Variants in RELN observed in about 807,000 individuals in gnomAD.
The protein encoded by RELN is reelin.
Under a neutral mutation model 427.6 loss-of-function variants are expected in RELN, and 108 were observed. That is an observed-to-expected ratio of 0.25 (90% confidence interval 0.22 to 0.30). RELN has a LOEUF of 0.30. Ranked by LOEUF, RELN falls within the 10% of genes least tolerant of loss-of-function variation. The pLI, the probability that RELN is intolerant of heterozygous loss-of-function variation, is 1.00. For synonymous variants in RELN, 1,524 were observed against 1,513.4 expected (o/e 1.01, Z -0.16); for missense variants, 3,715 against 4,302.8 (o/e 0.86, Z 3.82).
chr7:103,566,968 T>C (rs199600148), intron 31 of RELN, among the ~76,000 whole-genome samples: 1 of 82,312 alleles, frequency 1.2e-5, no homozygotes, highest in East Asian at 3.4e-4. Flanking sequence ...GGAAATGAAA[T>C]ACATAAGCTC....
chr7:103,598,882 C>T (rs768643185), intron 24 of RELN, among the ~76,000 whole-genome samples: 5 of 152,140 alleles, frequency 3.3e-5, no homozygotes, highest in South Asian at 4.1e-4. Flanking sequence ...TTTTCTGTTA[C>T]GCTGTGATCA....
intron 2 of RELN, among the ~76,000 whole-genome samples, chr7:103,873,127 G>A (rs1029882519): frequency 1.3e-5 from 2 of 150,942 alleles, no homozygotes; most frequent in African/African-American, 4.9e-5. Flanking sequence ...ATGAAATGAA[G>A]GCAGAAATAA....
chr7:103,934,501 C>T (rs1224371412), intron 1 of RELN, among the ~76,000 whole-genome samples: 2 of 152,188 alleles, frequency 1.3e-5, no homozygotes, highest in Non-Finnish European at 2.9e-5. Context: ...CCAAATTTAG[C>T]TTCCAAAGAT....
At chr7:103,895,470 A>C (rs977846410) in intron 2 of RELN, among the ~76,000 whole-genome samples, 2 of 152,092 alleles carry the variant, frequency 1.3e-5, no homozygotes, top group African/African-American at 4.8e-5. Context: ...CCGGAAGCCC[A>C]TTTGGCTTAT....
At chr7:103,871,879 C>T (rs892934522) in intron 2 of RELN, among the ~76,000 whole-genome samples, 1 of 151,764 alleles carries the variant, frequency 6.6e-6, no homozygotes, top group East Asian at 1.9e-4. Flanking sequence ...TGGAGACCTA[C>T]CAGAGATTTT....
intron 3 of RELN, among the ~76,000 whole-genome samples, chr7:103,812,228 A>G (rs1792760837): frequency 1.3e-5 from 2 of 151,914 alleles, no homozygotes; most frequent in Non-Finnish European, 2.9e-5. Context: ...TCTAGTCAGC[A>G]CTCCCCTAAG....
chr7:103,729,426 A>G (rs1042343065), intron 6 of RELN, among the ~76,000 whole-genome samples: 1 of 152,202 alleles, frequency 6.6e-6, no homozygotes, highest in Non-Finnish European at 1.5e-5. Flanking sequence ...TACTTCCTAT[A>G]TGTTTACCAC....
intron 3 of RELN, among the ~76,000 whole-genome samples, chr7:103,820,615 T>C (rs1792990720): frequency 6.6e-6 from 1 of 151,860 alleles, no homozygotes; most frequent in Admixed American, 6.6e-5. Flanking sequence ...AAGGTAACAA[T>C]TTGCTTTAAG....
chr7:103,751,851 A>G lies in RELN; in HGVS notation c.577+1331T>C, dbSNP rs183959722. Among the ~76,000 whole-genome samples the G allele has an allele frequency of 1.2e-4, 18 of 152,390 alleles. No individual in the cohort carries two copies. The East Asian group carries it at 1.7e-3, about 15-fold the overall frequency. On this transcript the variant is annotated intron_variant, in intron 5 of 64. Coordinates refer to ENST00000428762, the MANE Select transcript of RELN (RefSeq NM_005045.4). ...TTGAAAGGAAAAGCCCAAGAGACAA[A>G]TAACTGACCTATCTAGAAAGTCCCA...
chr7:103,945,922 T>A (rs939185714), intron 1 of RELN, among the ~76,000 whole-genome samples: 2 of 152,152 alleles, frequency 1.3e-5, no homozygotes, highest in Non-Finnish European at 2.9e-5. Flanking sequence ...AGCCTAGGTG[T>A]CTCCTAGGCT....
At chr7:103,727,785 T>A (rs1790250014) in intron 7 of RELN, among the ~76,000 whole-genome samples, 1 of 152,168 alleles carries the variant, frequency 6.6e-6, no homozygotes, top group Non-Finnish European at 1.5e-5. Context: ...AGAGCATGGC[T>A]TTATAGAAGA....
At chr7:103,683,260 G>A (rs540436499) in intron 10 of RELN, among the ~76,000 whole-genome samples, 1 of 152,204 alleles carries the variant, frequency 6.6e-6, no homozygotes, top group Admixed American at 6.5e-5. Context: ...TGTCCATTTT[G>A]TTCCTTGTTA....
intron 20 of RELN, among the ~76,000 whole-genome samples, chr7:103,624,918 C>T (rs893777040): frequency 3.9e-5 from 6 of 152,058 alleles, no homozygotes; most frequent in Admixed American, 1.3e-4. Context: ...GGAATGAGTA[C>T]CTTCTGTCTT....
At chr7:103,663,781 T>G (rs78482920) in intron 11 of RELN, among the ~76,000 whole-genome samples, 7 of 152,214 alleles carry the variant, frequency 4.6e-5, no homozygotes, top group Non-Finnish European at 1.0e-4. Context: ...CCACCTGGTC[T>G]TTAGCTTCTC....
At chr7:103,710,869 C>A (rs1789777495) in intron 8 of RELN, among the ~76,000 whole-genome samples, 1 of 152,120 alleles carries the variant, frequency 6.6e-6, no homozygotes, top group South Asian at 2.1e-4. Flanking sequence ...CATGGTGAAA[C>A]CCCGTCTCAA....
intron 6 of RELN, among the ~76,000 whole-genome samples, chr7:103,747,867 G>T (rs1790886251): frequency 6.6e-6 from 1 of 151,250 alleles, no homozygotes; most frequent in South Asian, 2.1e-4. Flanking sequence ...CATAACTTTG[G>T]TCAAGAAAGC....
At chr7:103,873,659 G>A (rs1240892643) in intron 2 of RELN, among the ~76,000 whole-genome samples, 1 of 136,992 alleles carries the variant, frequency 7.3e-6, no homozygotes, top group Non-Finnish European at 1.6e-5. Context: ...AAACCAGGAA[G>A]AAGTTGAATC....
At chr7:103,514,038 G>T (rs976480085) in intron 50 of RELN, 1 of 151,854 alleles carries the variant, frequency 6.6e-6, no homozygotes, top group African/African-American at 2.4e-5. Flanking sequence ...TCCAGGACAT[G>T]CTATTCTTCT....
chr7:103,975,517 A>T (rs6465949), intron 1 of RELN, among the ~76,000 whole-genome samples: 5,044 of 24,908 alleles, frequency 0.2, 248 homozygotes, highest in African/African-American at 0.42. Flanking sequence ...ATGGAGCAGT[A>T]TTTATTTATT....
Sources: allele counts gnomAD v4.1 joint callset (sites outside exome capture counted in the v4.1 genomes callset), GRCh38; gene constraint gnomAD v4.1.1; transcripts MANE v1.5; gene names NCBI Gene and HGNC (gene_info 2026-07-23, HGNC 2026-07-21).